DFFA: variants seen among roughly 807,000 people sequenced by gnomAD.
DFFA encodes DFF45.
In DFFA, 14 loss-of-function variants were observed where a neutral mutation model predicts 28.0. The observed-to-expected ratio is 0.50, with a 90% CI of 0.33 to 0.78. The LOEUF is 0.78. Among genes scored for constraint, DFFA ranks in the 30% least tolerant of loss-of-function variants. The probability of loss-of-function intolerance (pLI) is 0.02; values close to 1 mark genes in which losing one functional copy is unlikely to be tolerated. For missense variants in DFFA, 395 were observed against 407.1 expected, an observed-to-expected ratio of 0.97 and a Z score of 0.26; for synonymous variants, 158 against 170.3, an observed-to-expected ratio of 0.93 and a Z score of 0.56.
At position 10,461,581 on chromosome 1, in the gene DFFA, C is replaced by T. The variant is rs1240547449; in HGVS notation, c.905G>A (p.Ser302Asn). The T allele has an allele frequency of 1.2e-6, 2 of 1,614,132 alleles. No homozygotes were observed. The highest frequency in any genetic ancestry group is 2.7e-5 in the African/African-American group (2 of 74,950). ...TGAGATGCTCCGGAGAGAATGCAAGCTCTGCGTCTGCTGCAGGCGCAGGGC... is the reference window on the plus strand; with the variant it reads ...TGAGATGCTCCGGAGAGAATGCAAGTTCTGCGTCTGCTGCAGGCGCAGGGC... ...ELALRLQQTQ[S>N]LHSLRSISAS... Residue 302 changes from serine (S) to asparagine (N), a missense_variant, in exon 6 of 6, where the codon AGC becomes AAC. Coordinates refer to ENST00000377038, the MANE Select transcript of DFFA (RefSeq NM_004401.3).
In DFFA at chr1:10,472,268, A is replaced by C; in HGVS notation, c.136+55T>G. On this transcript the variant is annotated intron_variant, in intron 1 of 5. Transcript: ENST00000377038. This position sits in a 1 kb window ranked among gnomAD's most constrained non-coding sequence, Gnocchi z 5.0. ...CCTGACCCCGCCTCGCCCCCGCCGG[A>C]CGTCCTCACCCGGCCCTGGCTCCCC... 1 of 1,487,178 alleles carries C rather than the reference A, an allele frequency of 6.7e-7. No individual in the cohort carries two copies. Among genetic ancestry groups the C allele is most frequent in the Non-Finnish European group, 9.0e-7 (1 of 1,110,756 alleles). 92.1% of individuals were successfully genotyped at this position (1,487,178 alleles called of 1,614,324 possible).
chr1:10,468,580 T>C (rs1413029540), intron 2 of DFFA, among the ~76,000 whole-genome samples: 1 of 151,954 alleles, frequency 6.6e-6, no homozygotes, highest in African/African-American at 2.4e-5. Context: ...TGAGAAGTTA[T>C]GTAATTTGCA....
intron 1 of DFFA, among the ~76,000 whole-genome samples, chr1:10,469,981 A>T (rs913596126): frequency 1.1e-4 from 17 of 151,036 alleles, no homozygotes; most frequent in Admixed American, 6.6e-5. Flanking sequence ...GTGCCTGGCT[A>T]ATTTTTGTAT....
At chr1:10,467,135 G>A in intron 3 of DFFA, 55 bp downstream of exon 3, 2 of 1,604,432 alleles carry the variant, frequency 1.2e-6, no homozygotes, top group Non-Finnish European at 1.7e-6. Context: ...GAAGGTGCTG[G>A]GGCGGGGGGC....
At position 10,459,150 on chromosome 1, in the gene DFFA, G is replaced by C. The variant is rs144745981; in HGVS notation, c.*2340C>G. On this transcript the variant is annotated 3_prime_UTR_variant, in exon 6 of 6. Coordinates refer to ENST00000377038, the MANE Select transcript of DFFA (RefSeq NM_004401.3). Reference sequence around the variant, plus strand: ...ATTACAGGTGTGAGCCACTGCGCCCGGCCTATTGTGATATTTCTTTACTTA... The same window carrying C: ...ATTACAGGTGTGAGCCACTGCGCCCCGCCTATTGTGATATTTCTTTACTTA... 1 of 152,326 alleles carries C rather than the reference G, an allele frequency of 6.6e-6. No individual in the cohort carries two copies. Among genetic ancestry groups the C allele is most frequent in the South Asian group, 2.1e-4 (1 of 4,832 alleles). 9.4% of individuals were successfully genotyped at this position (152,326 alleles called of 1,614,324 possible).
At position 10,461,450 on chromosome 1, in the gene DFFA, A is replaced by T. The variant is rs1475538896; in HGVS notation, c.*40T>A. 4.4e-6 allele frequency: 7 copies of T among 1,587,402 alleles called. No homozygotes were observed. Among genetic ancestry groups the T allele is most frequent in the Non-Finnish European group, 8.6e-7 (1 of 1,165,658 alleles). ...GAGGCTGAGGGTGTCTACCAATAAC[A>T]CAACGCCACAGAGCTTCCTTGGCAC... On this transcript the variant is annotated 3_prime_UTR_variant, in exon 6 of 6. Coordinates refer to ENST00000377038, the MANE Select transcript of DFFA (RefSeq NM_004401.3).
chr1:10,462,322 G>A, intron 5 of DFFA: 1 of 512,318 alleles, frequency 2.0e-6, no homozygotes, highest in Non-Finnish European at 2.5e-6. Context: ...AGTAGAGATG[G>A]GGTTTCGCCA....
At chr1:10,468,457 T>G (rs12093208) in intron 2 of DFFA, among the ~76,000 whole-genome samples, 5,204 of 151,326 alleles carry the variant, frequency 0.034, 313 homozygotes, top group African/African-American at 0.12. Flanking sequence ...TCTTCACAAC[T>G]CCAGCCCCAA....
At chr1:10,467,739 G>A (rs1197165761) in intron 2 of DFFA, among the ~76,000 whole-genome samples, 1 of 152,116 alleles carries the variant, frequency 6.6e-6, no homozygotes, top group Non-Finnish European at 1.5e-5. Flanking sequence ...TCAAACTCCT[G>A]ACTTCAAGTG....
chr1:10,467,009 G>C (rs1016191467), intron 3 of DFFA, among the ~76,000 whole-genome samples, 181 bp downstream of exon 3: 6 of 150,710 alleles, frequency 4.0e-5, no homozygotes, highest in South Asian at 2.1e-4. Flanking sequence ...CGTGACGAGG[G>C]TTGAAAAATT....
intron 3 of DFFA, among the ~76,000 whole-genome samples, chr1:10,465,931 A>C (rs1641015212): frequency 6.6e-6 from 1 of 151,780 alleles, no homozygotes; most frequent in Non-Finnish European, 1.5e-5. Flanking sequence ...GCCTCCCAAA[A>C]TGCTAGGATT....
At chr1:10,462,137 C>G (rs532107068) in intron 5 of DFFA, among the ~76,000 whole-genome samples, 1 of 151,972 alleles carries the variant, frequency 6.6e-6, no homozygotes, top group Non-Finnish European at 1.5e-5. Flanking sequence ...GGATTACAGG[C>G]GTGAGCCACC....
intron 3 of DFFA, among the ~76,000 whole-genome samples, chr1:10,464,124 G>A (rs189908581): frequency 0.015 from 2,204 of 148,216 alleles, 71 homozygotes; most frequent in African/African-American, 0.051. Flanking sequence ...ACAGAGTCTC[G>A]CTCTGTCACC....
chr1:10,469,967 C>T (rs926562683), intron 1 of DFFA, among the ~76,000 whole-genome samples: 3 of 151,870 alleles, frequency 2.0e-5, no homozygotes, highest in African/African-American at 7.3e-5. Context: ...AGGCACCGGC[C>T]ACCGTGCCTG....
chr1:10,461,528 G>A lies in DFFA; in HGVS notation c.958C>T (p.Leu320=). ...SASKASPPGD[L]QNPKRARQDP... ...TGTCTGGCTCGCTTAGGATTCTGCA[G>A]GTCACCAGGTGGTGAGGCCTTGCTT... The change falls in exon 6 of 6, where the codon CTG becomes TTG. Residue 320 remains leucine (L), a synonymous_variant. Coordinates refer to ENST00000377038, the MANE Select transcript of DFFA (RefSeq NM_004401.3). The A allele has an allele frequency of 6.2e-7, 1 of 1,614,060 alleles. No homozygotes were observed. The highest frequency in any genetic ancestry group is 8.5e-7 in the Non-Finnish European group (1 of 1,179,994).
rs113202985 is a variant in DFFA, at chr1:10,466,217, T to G, written c.441+973A>C. ...TTTTCTTTTTGAGATGGAGTCTCTC[T>G]CTGTCACCCAGGCTGGAGTGCAGTG... On this transcript the variant is annotated intron_variant, in intron 3 of 5. Transcript: ENST00000377038. 8.7e-4 allele frequency among the ~76,000 whole-genome samples: 132 copies of G among 152,254 alleles called. 1 individual carries two copies. Among genetic ancestry groups the G allele is most frequent in the African/African-American group, 3.1e-3 (127 of 41,552 alleles).
rs1481160208 is a variant in DFFA at position 10,459,733 on chromosome 1, A to ATTT, written c.*1756_*1757insAAA. 2.1e-3 allele frequency: 311 copies of ATTT among 151,244 alleles called. No homozygotes were observed. The highest frequency in any genetic ancestry group is 7.1e-3 in the African/African-American group (293 of 41,346). The allele number at this position is 151,244 out of a possible 1,614,324, so 9.4% of individuals were successfully genotyped here. A position where few individuals can be genotyped will look rare whatever the true frequency, so the allele number is the denominator to read the frequency against. ...TGCCCTTGATGGTTACCTTTTTAAA[A>ATTT]AAAAAAAAAAAAAAGTAGGGTCTTA... On this transcript the variant is annotated 3_prime_UTR_variant, in exon 6 of 6. Transcript: ENST00000377038.
At chr1:10,463,279 A>T in intron 4 of DFFA, 70 bp from the exon 5 acceptor site, 1 of 1,583,764 alleles carries the variant, frequency 6.3e-7, no homozygotes, top group Non-Finnish European at 8.6e-7. Flanking sequence ...ACTCGCCAGA[A>T]TAACTGGCCG....
intron 3 of DFFA, among the ~76,000 whole-genome samples, chr1:10,464,387 C>T (rs1203122): frequency 0.41 from 61,988 of 152,020 alleles, 14,226 homozygotes; most frequent in Non-Finnish European, 0.52. Flanking sequence ...CCACCGTGCC[C>T]GGCCAATTTT....
Sources: gnomAD v4.1 joint callset for allele counts (sites outside exome capture counted in the v4.1 genomes callset) on GRCh38, gnomAD v4.1.1 for gene constraint, Gnocchi (gnomAD v3.1) non-coding constraint, MANE v1.5 for transcripts, NCBI Gene and HGNC (gene_info 2026-07-23, HGNC 2026-07-21) for gene names.